The following RIMKLB variants were observed in gnomAD, a reference collection of about 807,000 sequenced individuals.
RIMKLB encodes the protein ribosomal modification protein rimK like family member B, also known as beta-citrylglutamate synthase B.
RIMKLB carries 7 observed loss-of-function variants against 32.0 expected under a neutral mutation model. The observed-to-expected ratio is 0.22, with a 90% CI of 0.12 to 0.41. The LOEUF is 0.41. Among genes scored for constraint, RIMKLB ranks in the 10% least tolerant of loss-of-function variants. The probability of loss-of-function intolerance (pLI) is 1.00; values close to 1 mark genes in which losing one functional copy is unlikely to be tolerated. For synonymous variants in RIMKLB, 172 were observed against 185.1 expected (o/e 0.93, Z 0.57); for missense variants, 289 against 498.7 (o/e 0.58, Z 4.00).
At chr12:8,695,636 A>G (rs1160290948), upstream of RIMKLB, among the ~76,000 whole-genome samples, 2 of 151,964 alleles carry the variant, frequency 1.3e-5, no homozygotes, top group Non-Finnish European at 2.9e-5. Context: ...ACGTTGTTAC[A>G]TACATGAGAA....
intron 2 of RIMKLB, among the ~76,000 whole-genome samples, chr12:8,735,375 G>A (rs755630693): frequency 2.6e-5 from 4 of 152,156 alleles, no homozygotes; most frequent in South Asian, 4.1e-4. Flanking sequence ...AACTACAGGC[G>A]CACACCACCA....
chr12:8,756,714 T>C (rs1949068252), intron 5 of RIMKLB, among the ~76,000 whole-genome samples: 2 of 122,030 alleles, frequency 1.6e-5, no homozygotes, highest in Admixed American at 9.4e-5. Flanking sequence ...TTTTTTCTGA[T>C]GGAGTCTTGC....
At chr12:8,669,404 G>A in the RIMKLB span, among the ~76,000 whole-genome samples, 1 of 151,614 alleles carries the variant, frequency 6.6e-6, no homozygotes, top group Non-Finnish European at 1.5e-5. Flanking sequence ...GATTTGGAGG[G>A]GCCAAACCAT....
In RIMKLB at chr12:8,773,716, A is replaced by G; in HGVS notation, c.1093A>G (p.Lys365Glu). The G allele has an allele frequency of 6.2e-7, 1 of 1,614,244 alleles. No individual in the cohort carries two copies. Residue 365 changes from lysine to glutamate, a missense_variant, in exon 6 of 6, where the codon AAG becomes GAG. Coordinates refer to ENST00000535829, the MANE Select transcript of RIMKLB (RefSeq NM_001297776.2). ...PESTERELLT[K>E]LPGGLFNMNQ... ...AAGCACGGAGCGAGAGCTGCTCACC[A>G]AGCTCCCAGGGGGCCTGTTCAACAT...
rs185391603 is a variant in RIMKLB at position 8,690,482 on chromosome 12, G to A, written n.219+8664G>A. Among the ~76,000 whole-genome samples, 13 of 152,230 alleles carry A rather than the reference G, an allele frequency of 8.5e-5. No individual in the cohort carries two copies. In the East Asian group the frequency reaches 9.6e-4, roughly 11 times the overall value. ...GCAGACAATCCTTTTTATAGTCTTC[G>A]GAGGGATTACAAACAGTGTTTGACA... On this transcript the variant is annotated intron_variant and non_coding_transcript_variant, in intron 1 of 1. Coordinates refer to the RIMKLB transcript ENST00000538758.
intron 5 of RIMKLB, among the ~76,000 whole-genome samples, chr12:8,766,341 CT>C (rs1383233926): frequency 6.6e-6 from 1 of 152,120 alleles, no homozygotes; most frequent in Non-Finnish European, 1.5e-5. Context: ...TCTAGTGGTC[CT>C]TTACCAGCGT....
upstream of RIMKLB, chr12:8,697,829 C>T (rs758101548): frequency 1.4e-5 from 2 of 147,310 alleles, no homozygotes; most frequent in African/African-American, 4.9e-5. Context: ...CCCCCAGCTC[C>T]TCCGGCCGCC....
intron 2 of RIMKLB, 77 bp downstream of exon 2, chr12:8,714,118 G>T: frequency 8.1e-7 from 1 of 1,235,050 alleles, no homozygotes; most frequent in South Asian, 1.3e-5. Context: ...GAATAATTAG[G>T]ACAGAGGAAT....
chr12:8,702,203 T>C (rs1329617173), intron 1 of RIMKLB, among the ~76,000 whole-genome samples: 1 of 152,212 alleles, frequency 6.6e-6, no homozygotes, highest in Non-Finnish European at 1.5e-5. Context: ...ATAAAATGGT[T>C]GTCGGTTCTT....
At chr12:8,687,556 T>C (rs1380944211) in intron 1 of RIMKLB, among the ~76,000 whole-genome samples, 1 of 152,210 alleles carries the variant, frequency 6.6e-6, no homozygotes, top group Non-Finnish European at 1.5e-5. Context: ...CTGCCTCTGC[T>C]CTCTCGTCTT....
chr12:8,743,098 A>C (rs370791883), intron 2 of RIMKLB: 5 of 152,450 alleles, frequency 3.3e-5, no homozygotes, highest in African/African-American at 1.2e-4. Flanking sequence ...TCAGGCCTGG[A>C]ATCCCAGTAC....
downstream of RIMKLB, chr12:8,777,224 T>A: frequency 1.0e-6 from 1 of 967,096 alleles, no homozygotes; most frequent in African/African-American, 1.8e-5. Flanking sequence ...TCTTTTTTTT[T>A]TTTTTTTTTT....
intron 3 of RIMKLB, among the ~76,000 whole-genome samples, chr12:8,751,104 G>C (rs1343431213): frequency 6.6e-6 from 1 of 152,106 alleles, no homozygotes; most frequent in Non-Finnish European, 1.5e-5. Context: ...AATATAAGTT[G>C]AGAATTCTGT....
rs374438568 is a variant in RIMKLB, at chr12:8,751,991, G to A, written c.441G>A (p.Glu147=). The A allele has an allele frequency of 1.9e-6, 3 of 1,613,676 alleles. No homozygotes were observed. In the African/African-American group the frequency reaches 4.0e-5, roughly 22 times the overall value. ...AAAATTTTGCTAAAATGATTGATGA[G>A]GCTGAAGTTCTGGAGTTCCCAATGG... ...GHENFAKMID[E]AEVLEFPMVV... Residue 147 remains glutamate, a synonymous_variant, in exon 4 of 6, where the codon GAG becomes GAA. Transcript: ENST00000535829.
chr12:8,687,822 A>G (rs1162408872), intron 1 of RIMKLB, among the ~76,000 whole-genome samples: 3 of 140,146 alleles, frequency 2.1e-5, no homozygotes, highest in Non-Finnish European at 4.6e-5. Context: ...GTCAGGAAGA[A>G]AAAAAAAAAA....
At chr12:8,677,061 AG>A (rs1942347407), upstream of RIMKLB, among the ~76,000 whole-genome samples, 1 of 152,152 alleles carries the variant, frequency 6.6e-6, no homozygotes, top group African/African-American at 2.4e-5. Context: ...GTCTCATTCT[AG>A]GGTATACAGT....
At chr12:8,721,896 A>G (rs1281917445) in intron 2 of RIMKLB, among the ~76,000 whole-genome samples, 1 of 152,130 alleles carries the variant, frequency 6.6e-6, no homozygotes, top group Admixed American at 6.5e-5. Flanking sequence ...GGTGTGTGCC[A>G]CTATGCCTGG....
intron 2 of RIMKLB, among the ~76,000 whole-genome samples, chr12:8,716,557 A>AT (rs773708083): frequency 0.035 from 3,313 of 95,872 alleles, 57 homozygotes; most frequent in Non-Finnish European, 0.039. Context: ...TCATGGCTTC[A>AT]TTTTTTTTTT....
intron 2 of RIMKLB, among the ~76,000 whole-genome samples, chr12:8,722,060 G>A (rs1240914367): frequency 3.3e-5 from 5 of 151,986 alleles, no homozygotes; most frequent in Admixed American, 2.6e-4. Context: ...TGTTCTTAAT[G>A]GCATCTAGAA....
Sources: gnomAD v4.1 joint callset for allele counts (sites outside exome capture counted in the v4.1 genomes callset) on GRCh38, gnomAD v4.1.1 for gene constraint, MANE v1.5 for transcripts, NCBI Gene and HGNC (gene_info 2026-07-23, HGNC 2026-07-21) for gene names.